DIS3: variants seen among roughly 807,000 people sequenced by gnomAD.
The protein encoded by DIS3 is DIS3 exosome endoribonuclease and 3'-5' exoribonuclease, also known as exosome complex exonuclease RRP44.
Under a neutral mutation model 113.0 loss-of-function variants are expected in DIS3, and 103 were observed. The ratio of observed to expected loss-of-function variants is 0.91; its 90% CI spans 0.78 to 1.07. The LOEUF (loss-of-function observed/expected upper bound fraction) is 1.07. Ranked by LOEUF, DIS3 falls within the 50% of genes least tolerant of loss-of-function variation. The pLI is 0.00. For synonymous variants in DIS3, 402 were observed against 394.3 expected, an observed-to-expected ratio of 1.02 and a Z score of -0.23; for missense variants, 1,121 against 1,167.1, an observed-to-expected ratio of 0.96 and a Z score of 0.58.
At chr13:72,762,166 A>C in intron 16 of DIS3, 29 bp from the exon 17 acceptor site, 1 of 1,572,866 alleles carries the variant, frequency 6.4e-7, no homozygotes, top group South Asian at 1.1e-5. Flanking sequence ...GAAGAGCACC[A>C]TATTAAACAT....
intron 1 of DIS3, 48 bp from the exon 2 acceptor site, chr13:72,781,051 C>T (rs769148739): frequency 3.3e-6 from 5 of 1,533,662 alleles, no homozygotes; most frequent in Admixed American, 4.0e-5. Context: ...TTGTAAATAG[C>T]TCTGTCAAAC....
chr13:72,775,865 T>C, intron 5 of DIS3, 60 bp downstream of exon 5: 2 of 1,354,890 alleles, frequency 1.5e-6, no homozygotes, highest in Non-Finnish European at 1.0e-6. Flanking sequence ...CATTAAGTGT[T>C]CATAATATAT....
Position 72,772,244 on chromosome 13 carries a change from A to T in DIS3, c.1418T>A (p.Leu473Gln), listed in dbSNP as rs752432472. ...TGGTGGGTCTACACTACAAATACAC[A>T]GATGCCTCAGGTCTTCTCGGTTTTT... ...DMKNREDLRH[L>Q]CICSVDPPGC... is the part of the protein sequence containing the mutation. The change falls in exon 10 of 21, where the codon CTG becomes CAG. Residue 473 changes from leucine to glutamine, a missense_variant. Physicochemically the swap from Leu to Gln is moderately radical, Grantham distance 113. Coordinates refer to ENST00000377767, the MANE Select transcript of DIS3 (RefSeq NM_014953.5). The T allele has an allele frequency of 6.2e-7, 1 of 1,613,020 alleles. No homozygotes were observed. Among genetic ancestry groups the T allele is most frequent in the Non-Finnish European group, 8.5e-7 (1 of 1,179,842 alleles).
At chr13:72,773,602 G>T in intron 8 of DIS3, 82 bp downstream of exon 8, 7 of 1,425,388 alleles carry the variant, frequency 4.9e-6, no homozygotes. Flanking sequence ...CATAAAAGTA[G>T]ATTGTTTTTA....
At chr13:72,773,896 T>G in intron 7 of DIS3, 50 bp downstream of exon 7, 2 of 1,587,912 alleles carry the variant, frequency 1.3e-6, no homozygotes, top group Non-Finnish European at 1.7e-6. Context: ...CTATAAGTTC[T>G]ATTAAATGTT....
intron 16 of DIS3, 120 bp downstream of exon 16, chr13:72,763,331 A>G: frequency 8.1e-7 from 1 of 1,232,962 alleles, no homozygotes; most frequent in Admixed American, 2.7e-5. Context: ...AAAAAGAACT[A>G]TTGGCATATT....
At chr13:72,770,568 G>T (rs1012530455) in intron 13 of DIS3, among the ~76,000 whole-genome samples, 2 of 152,128 alleles carry the variant, frequency 1.3e-5, no homozygotes, top group Non-Finnish European at 1.5e-5. Context: ...GACTCTGGTG[G>T]CCTGTTCTGC....
At chr13:72,762,231 A>C in intron 16 of DIS3, 94 bp from the exon 17 acceptor site, 2 of 1,125,972 alleles carry the variant, frequency 1.8e-6, no homozygotes, top group South Asian at 1.5e-5. Context: ...CTGAACAAAC[A>C]TCATGTTTTT....
At position 72,755,081 on chromosome 13, in the gene DIS3, A is replaced by G. The variant is rs1180168770; in HGVS notation, c.*4714T>C. ...AAACGTGCTTTTAGGTTTTAAAAAC[A>G]GTCCCGATAATTGCATCCTCCAGTG... On this transcript the variant is annotated 3_prime_UTR_variant, in exon 21 of 21. Transcript: ENST00000377767. The G allele has an allele frequency of 1.5e-6, 2 of 1,320,904 alleles. No homozygotes were observed. Among genetic ancestry groups the G allele is most frequent in the East Asian group, 2.3e-5 (1 of 43,328 alleles). 81.8% of individuals were successfully genotyped at this position (1,320,904 alleles called of 1,614,324 possible). A position where few individuals can be genotyped will look rare whatever the true frequency, so the allele number is the denominator to read the frequency against.
At position 72,775,257 on chromosome 13, in the gene DIS3, C is replaced by A; in HGVS notation, c.941G>T (p.Gly314Val). 6.2e-7 allele frequency: 1 copy of A among 1,613,444 alleles called. No homozygotes were observed. The highest frequency in any genetic ancestry group is 8.5e-7 in the Non-Finnish European group (1 of 1,179,638). ...APSSVVLHDE[G>V]QNEEDVEKEE... ...TTTCTCCACATCTTCTTCATTTTGA[C>A]CTTCATCATGTAAAACCACAGAAGA... Residue 314 changes from glycine (G) to valine (V), a missense_variant, in exon 6 of 21, where the codon GGT becomes GTT. Physicochemically the swap from Gly to Val is moderately radical, Grantham distance 109. Around this residue, in one of 3 missense-constraint regions of DIS3, gnomAD observed 861 missense variants for 915.5 expected, o/e 0.94. Coordinates refer to ENST00000377767, the MANE Select transcript of DIS3 (RefSeq NM_014953.5).
chr13:72,781,731 G>C lies in DIS3; in HGVS notation c.102C>G (p.Pro34=). 1 of 1,586,236 alleles carries C rather than the reference G, an allele frequency of 6.3e-7. No individual in the cohort carries two copies. Among genetic ancestry groups the C allele is most frequent in the Non-Finnish European group, 8.6e-7 (1 of 1,167,368 alleles). The change falls in exon 1 of 21, where the codon CCC becomes CCG. Residue 34 remains proline, a synonymous_variant. Coordinates refer to ENST00000377767, the MANE Select transcript of DIS3 (RefSeq NM_014953.5). ...GCGCCCCTCCACACGCTGCGCACCC[G>C]GGCGCACCGCAGCCGATGTCGTCTC... ...YLRDDIGCGA[P]GCAACGGAHE...
In DIS3 at chr13:72,756,267, C is replaced by T. The variant is rs568964809; in HGVS notation, c.*3528G>A. The T allele has an allele frequency of 9.4e-6, 2 of 212,024 alleles. No individual in the cohort carries two copies. Among genetic ancestry groups the T allele is most frequent in the Non-Finnish European group, 1.8e-5 (2 of 108,430 alleles). 13.1% of individuals were successfully genotyped at this position (212,024 alleles called of 1,614,324 possible). On this transcript the variant is annotated 3_prime_UTR_variant, in exon 21 of 21. Transcript: ENST00000377767. ...CTGCTGACCTGCAGAAAATGTGCCG[C>T]GTTATGTACCTGGCTCATCTTCAAC... is the stretch of plus-strand genomic sequence containing the variant.
intron 11 of DIS3, among the ~76,000 whole-genome samples, 162 bp from the exon 12 acceptor site, chr13:72,771,307 A>G (rs567196436): frequency 1.2e-4 from 18 of 152,336 alleles, no homozygotes; most frequent in African/African-American, 4.1e-4. Context: ...GTTTGTTTCT[A>G]TAAAAGCACT....
chr13:72,763,967 T>C lies in DIS3; in HGVS notation c.1971-360A>G, dbSNP rs115947987. Among the ~76,000 whole-genome samples, 1,162 of 152,098 alleles carry C rather than the reference T, an allele frequency of 7.6e-3. 13 individuals carry two copies. Among genetic ancestry groups the C allele is most frequent in the African/African-American group, 0.026 (1,094 of 41,486 alleles). On this transcript the variant is annotated intron_variant, in intron 15 of 20. Transcript: ENST00000377767. ...AGTTCGAGGACCAGTCTGGCCAACATGACGAAACCCTGACTCTACTAAAAA... is the reference window on the plus strand; with the variant it reads ...AGTTCGAGGACCAGTCTGGCCAACACGACGAAACCCTGACTCTACTAAAAA...
Position 72,772,286 on chromosome 13 carries a change from T to A in DIS3, c.1387-11A>T, listed in dbSNP as rs761233596. The stretch of plus-strand genomic sequence containing the variant: ...TCGGTTTTTCATGTCCTAGAAGACA[T>A]GAAATGATAAACAAATAAATTATTT... On this transcript the variant is annotated splice_polypyrimidine_tract_variant and intron_variant, in intron 9 of 20. Transcript: ENST00000377767. 1 of 1,573,174 alleles carries A rather than the reference T, an allele frequency of 6.4e-7. No individual in the cohort carries two copies. Among genetic ancestry groups the A allele is most frequent in the South Asian group, 1.1e-5 (1 of 87,886 alleles).
intron 1 of DIS3, chr13:72,781,400 G>T: frequency 6.6e-7 from 1 of 1,524,888 alleles, no homozygotes; most frequent in South Asian, 1.2e-5. Context: ...TAACGTGTCT[G>T]AACTACGACT....
chr13:72,778,880 A>T (rs1330044525), intron 2 of DIS3, among the ~76,000 whole-genome samples: 3 of 152,210 alleles, frequency 2.0e-5, no homozygotes, highest in Non-Finnish European at 4.4e-5. Context: ...GAAGCTATGT[A>T]GAGACTGAAA....
intron 13 of DIS3, among the ~76,000 whole-genome samples, chr13:72,769,938 A>T (rs1193722970): frequency 6.6e-6 from 1 of 152,198 alleles, no homozygotes; most frequent in African/African-American, 2.4e-5. Context: ...AGAGAACATA[A>T]GGGATTTTTG....
At chr13:72,772,398 AACC>A in intron 9 of DIS3, 123 bp from the exon 10 acceptor site, 2 of 785,634 alleles carry the variant, frequency 2.5e-6, no homozygotes, top group Non-Finnish European at 2.0e-6. Context: ...TCTTGATGAC[AACC>A]ACATTTCTTT....
Sources: gnomAD v4.1 joint callset for allele counts (sites outside exome capture counted in the v4.1 genomes callset) on GRCh38, gnomAD v4.1.1 for gene constraint, gnomAD v4.1.1 regional missense constraint, MANE v1.5 for transcripts, NCBI Gene and HGNC (gene_info 2026-07-23, HGNC 2026-07-21) for gene names.